Variants in MBNL2 observed in about 807,000 individuals in gnomAD.
MBNL2 encodes muscleblind like splicing regulator 2.
Under a neutral mutation model 41.9 loss-of-function variants are expected in MBNL2, and 17 were observed. The ratio of observed to expected loss-of-function variants is 0.41; its 90% confidence interval spans 0.28 to 0.61. MBNL2 has a LOEUF of 0.61. MBNL2 is among the 20% of genes least tolerant of loss of function. The pLI is 0.35. For missense variants in MBNL2, 336 were observed against 505.6 expected, an observed-to-expected ratio of 0.66 and a Z score of 3.22; for synonymous variants, 195 against 182.9, an observed-to-expected ratio of 1.07 and a Z score of -0.53.
At chr13:97,188,787 TATCA>T in the MBNL2 span, among the ~76,000 whole-genome samples, 6 of 152,188 alleles carry the variant, frequency 3.9e-5, no homozygotes, top group Non-Finnish European at 8.8e-5. Flanking sequence ...ACCTGATTCC[TATCA>T]ATCTGTCTCC....
the MBNL2 span, chr13:97,179,597 G>C: frequency 1.3e-5 from 2 of 152,310 alleles, no homozygotes; most frequent in African/African-American, 4.8e-5. Flanking sequence ...TTCCAGGCTT[G>C]CTTGCTTCCT....
At chr13:97,342,808 A>T (rs907401807) in intron 3 of MBNL2, among the ~76,000 whole-genome samples, 1 of 152,190 alleles carries the variant, frequency 6.6e-6, no homozygotes, top group Admixed American at 6.5e-5. Context: ...CTGTAACTAG[A>T]GGTTTTTTAT....
chr13:97,242,140 A>G (rs2044416779), intron 1 of MBNL2, among the ~76,000 whole-genome samples: 1 of 152,174 alleles, frequency 6.6e-6, no homozygotes, highest in South Asian at 2.1e-4. Flanking sequence ...TGACGACACC[A>G]CTGCCCACCC....
chr13:97,324,014 C>T (rs965923786), intron 2 of MBNL2, among the ~76,000 whole-genome samples: 3 of 152,078 alleles, frequency 2.0e-5, no homozygotes, highest in African/African-American at 7.2e-5. Context: ...AATAGTAGGT[C>T]TTATTCATTC....
chr13:97,306,282 A>G (rs2058114755), intron 2 of MBNL2, among the ~76,000 whole-genome samples: 1 of 152,204 alleles, frequency 6.6e-6, no homozygotes, highest in South Asian at 2.1e-4. Context: ...ATACTCCACC[A>G]ACTGCCCTGG....
chr13:97,166,716 T>C, the MBNL2 span, among the ~76,000 whole-genome samples: 11 of 152,210 alleles, frequency 7.2e-5, no homozygotes, highest in Non-Finnish European at 1.6e-4. Context: ...TCCTTGCTCC[T>C]CAGCTTGCAG....
chr13:97,265,912 C>A (rs544778586), intron 1 of MBNL2, among the ~76,000 whole-genome samples: 2 of 152,040 alleles, frequency 1.3e-5, no homozygotes, highest in South Asian at 4.2e-4. Flanking sequence ...GTCCTTCAAC[C>A]AAGCAGAACA....
chr13:97,242,779 T>C (rs555438270), intron 1 of MBNL2, among the ~76,000 whole-genome samples: 398 of 150,620 alleles, frequency 2.6e-3, no homozygotes, highest in South Asian at 8.0e-3. Flanking sequence ...TTTTTTTTTT[T>C]CCCCCCTCCT....
chr13:97,180,751 A>AGT, the MBNL2 span, among the ~76,000 whole-genome samples: 1 of 124,394 alleles, frequency 8.0e-6, no homozygotes, highest in Admixed American at 8.2e-5. Flanking sequence ...AAAAAAAAAA[A>AGT]AAAAAAAAAA....
chr13:97,357,766 A>C, intron 7 of MBNL2, 131 bp downstream of exon 7: 1 of 899,074 alleles, frequency 1.1e-6, no homozygotes, highest in South Asian at 1.3e-5. Flanking sequence ...TCGTTGTCCT[A>C]GCTATCTAAA....
chr13:97,211,269 C>G, the MBNL2 span, among the ~76,000 whole-genome samples: 2 of 152,048 alleles, frequency 1.3e-5, no homozygotes, highest in African/African-American at 4.8e-5. Context: ...GACTGCTTTG[C>G]GAAATAAAAT....
chr13:97,344,840 A>G (rs1218034682), intron 4 of MBNL2, among the ~76,000 whole-genome samples: 3 of 152,238 alleles, frequency 2.0e-5, no homozygotes, highest in Non-Finnish European at 2.9e-5. Context: ...AGACAAAGAC[A>G]TGTAAAAATG....
intron 1 of MBNL2, among the ~76,000 whole-genome samples, chr13:97,233,654 T>C (rs2042786076): frequency 6.6e-6 from 1 of 150,946 alleles, no homozygotes; most frequent in South Asian, 2.1e-4. Flanking sequence ...CAAAACAAGC[T>C]CTATCTCTAG....
the MBNL2 span, among the ~76,000 whole-genome samples, chr13:97,205,397 TAAAAA>T: frequency 1.0e-4 from 15 of 149,896 alleles, no homozygotes; most frequent in African/African-American, 3.6e-4. Context: ...CTAAAAAAAA[TAAAAA>T]ATAAAAAAAA....
chr13:97,388,759 G>C (rs1321005233), intron 8 of MBNL2, among the ~76,000 whole-genome samples: 1 of 152,028 alleles, frequency 6.6e-6, no homozygotes, highest in East Asian at 1.9e-4. Context: ...TTTCACCCCA[G>C]AGTACAGATA....
chr13:97,219,784 A>C (rs1309258129), upstream of MBNL2, among the ~76,000 whole-genome samples: 1 of 152,232 alleles, frequency 6.6e-6, no homozygotes, highest in African/African-American at 2.4e-5. Context: ...AGGAGTGTGG[A>C]AAAATTAGAC....
At chr13:97,185,204 A>G in the MBNL2 span, among the ~76,000 whole-genome samples, 1 of 152,242 alleles carries the variant, frequency 6.6e-6, no homozygotes, top group Non-Finnish European at 1.5e-5. Flanking sequence ...AAGAATCCCA[A>G]ATTGAGAGTT....
At chr13:97,209,931 G>T in the MBNL2 span, among the ~76,000 whole-genome samples, 1 of 152,180 alleles carries the variant, frequency 6.6e-6, no homozygotes. Flanking sequence ...AAGTACCTGG[G>T]ATTACAGGTG....
the MBNL2 span, among the ~76,000 whole-genome samples, chr13:97,201,473 G>A: frequency 2.6e-5 from 4 of 152,138 alleles, no homozygotes; most frequent in African/African-American, 9.7e-5. Flanking sequence ...ATGGATGGAT[G>A]GATAGATAGA....
Sources: allele counts gnomAD v4.1 joint callset (sites outside exome capture counted in the v4.1 genomes callset), GRCh38; gene constraint gnomAD v4.1.1; transcripts MANE v1.5; gene names NCBI Gene and HGNC (gene_info 2026-07-23, HGNC 2026-07-21).